RFX3: variants seen among roughly 807,000 people sequenced by gnomAD.
RFX3 encodes transcription factor RFX3.
A neutral mutation model predicts 98.6 loss-of-function variants in RFX3; 14 were observed. The observed-to-expected ratio is 0.14, with a 90% CI of 0.09 to 0.22. The LOEUF is 0.22. Among genes scored for constraint, RFX3 ranks in the 10% least tolerant of loss-of-function variants. The probability of loss-of-function intolerance (pLI) is 1.00; values close to 1 mark genes in which losing one functional copy is unlikely to be tolerated. For missense variants in RFX3, 639 were observed against 926.9 expected, an observed-to-expected ratio of 0.69 and a Z score of 4.03; for synonymous variants, 383 against 328.4, an observed-to-expected ratio of 1.17 and a Z score of -1.80.
At chr9:3,252,691 T>A (rs1486447696) in intron 14 of RFX3, among the ~76,000 whole-genome samples, 1 of 152,098 alleles carries the variant, frequency 6.6e-6, no homozygotes, top group East Asian at 1.9e-4. Flanking sequence ...TAGGCCATGA[T>A]AAGGCCTTTG....
chr9:3,289,770 T>C (rs1451538053), intron 6 of RFX3, among the ~76,000 whole-genome samples: 1 of 152,110 alleles, frequency 6.6e-6, no homozygotes, highest in Non-Finnish European at 1.5e-5. Context: ...GGAGATGGGA[T>C]CTAATAAAAG....
chr9:3,447,865 T>C (rs991974211), intron 1 of RFX3, among the ~76,000 whole-genome samples: 1 of 152,208 alleles, frequency 6.6e-6, no homozygotes, highest in African/African-American at 2.4e-5. Context: ...AGTGCTTTTT[T>C]AATTATGCTA....
chr9:3,408,133 A>G (rs952227079), intron 1 of RFX3, among the ~76,000 whole-genome samples: 1 of 152,198 alleles, frequency 6.6e-6, no homozygotes, highest in African/African-American at 2.4e-5. Flanking sequence ...CCTCTGGCAC[A>G]GGTGCCAGGG....
At chr9:3,463,813 A>ACT (rs1847944465) in intron 1 of RFX3, among the ~76,000 whole-genome samples, 1 of 152,086 alleles carries the variant, frequency 6.6e-6, no homozygotes, top group Non-Finnish European at 1.5e-5. Context: ...ATCTACAAAA[A>ACT]GTTAAAAAAA....
chr9:3,301,119 T>C (rs1017826069), intron 5 of RFX3, among the ~76,000 whole-genome samples: 2 of 151,902 alleles, frequency 1.3e-5, no homozygotes, highest in Non-Finnish European at 2.9e-5. Flanking sequence ...TATCATTGGA[T>C]TTCACATTAA....
intron 2 of RFX3, among the ~76,000 whole-genome samples, chr9:3,348,443 C>A (rs554856447): frequency 6.6e-6 from 1 of 151,382 alleles, no homozygotes; most frequent in African/African-American, 2.4e-5. Flanking sequence ...ATATTAGTAG[C>A]CATTGATGAT....
intron 1 of RFX3, among the ~76,000 whole-genome samples, chr9:3,425,541 G>A (rs1843936365): frequency 6.6e-6 from 1 of 152,148 alleles, no homozygotes; most frequent in South Asian, 2.1e-4. Flanking sequence ...AACAAAGTTA[G>A]CTGCTTCTTC....
intron 1 of RFX3, among the ~76,000 whole-genome samples, chr9:3,416,545 A>G (rs1228043026): frequency 2.6e-5 from 4 of 152,210 alleles, no homozygotes; most frequent in Non-Finnish European, 4.4e-5. Context: ...GAAATTCTCA[A>G]AGTTCCCATA....
intron 1 of RFX3, among the ~76,000 whole-genome samples, chr9:3,405,827 C>G (rs1841910528): frequency 6.6e-6 from 1 of 152,142 alleles, no homozygotes; most frequent in African/African-American, 2.4e-5. Context: ...ACTGCAAACC[C>G]TTACTTAACA....
intron 2 of RFX3, chr9:3,394,857 C>A (rs1375921180): frequency 1.0e-6 from 1 of 985,108 alleles, no homozygotes; most frequent in Non-Finnish European, 1.2e-6. Flanking sequence ...TTGTCAGTAT[C>A]TTTCCAAACA....
chr9:3,237,800 C>A (rs1819363521), intron 15 of RFX3, among the ~76,000 whole-genome samples: 3 of 152,252 alleles, frequency 2.0e-5, no homozygotes, highest in South Asian at 2.1e-4. Flanking sequence ...AATTTAAATA[C>A]AGGAGTGGAG....
chr9:3,330,774 C>T (rs887232327), intron 3 of RFX3, among the ~76,000 whole-genome samples: 3 of 152,150 alleles, frequency 2.0e-5, no homozygotes, highest in Non-Finnish European at 2.9e-5. Context: ...CTATCTCCAG[C>T]ATATAAATAA....
intron 1 of RFX3, among the ~76,000 whole-genome samples, chr9:3,512,589 A>T (rs1564194265): frequency 1.3e-5 from 2 of 151,960 alleles, no homozygotes; most frequent in Admixed American, 6.6e-5. Flanking sequence ...CAACACCTCA[A>T]TTTAATCTTT....
intron 16 of RFX3, among the ~76,000 whole-genome samples, chr9:3,225,532 CT>C (rs59863314): frequency 0.11 from 16,031 of 150,240 alleles, 2,792 homozygotes; most frequent in African/African-American, 0.37. Context: ...ACTTTGTTAA[CT>C]TTTTTAAAAA....
At chr9:3,342,702 T>A (rs1417590273) in intron 3 of RFX3, among the ~76,000 whole-genome samples, 2 of 152,102 alleles carry the variant, frequency 1.3e-5, no homozygotes, top group Admixed American at 6.6e-5. Flanking sequence ...ACCAAGAAAT[T>A]TCCATTGAAA....
At chr9:3,358,298 T>A (rs1378465520) in intron 2 of RFX3, among the ~76,000 whole-genome samples, 4 of 152,156 alleles carry the variant, frequency 2.6e-5, no homozygotes, top group Non-Finnish European at 5.9e-5. Flanking sequence ...AACAAGAGTC[T>A]TGTCTTTATG....
intron 1 of RFX3, among the ~76,000 whole-genome samples, chr9:3,504,822 ATATAAAATATG>A (rs1816616813): frequency 1.0e-5 from 1 of 95,302 alleles, no homozygotes; most frequent in Non-Finnish European, 1.8e-5. Flanking sequence ...TATATATTAT[ATATAAAATATG>A]TATAAAATAT....
intron 1 of RFX3, among the ~76,000 whole-genome samples, chr9:3,513,035 T>G (rs1564194611): frequency 6.6e-6 from 1 of 152,112 alleles, no homozygotes; most frequent in Non-Finnish European, 1.5e-5. Context: ...TTTCTCTCAT[T>G]TCTTTATGCT....
Position 3,345,370 on chromosome 9 carries a change from G to A in RFX3, c.215+1297C>T, listed in dbSNP as rs1300410664. On this transcript the variant is annotated intron_variant, in intron 3 of 16. Coordinates refer to ENST00000617270, the MANE Select transcript of RFX3 (RefSeq NM_001282116.2). ...ATGCCTAGAAGGTAGAAAATAAGGC[G>A]GAGGTAGGAATGCGGAGAATGCCAG... 3.3e-5 allele frequency among the ~76,000 whole-genome samples: 5 copies of A among 152,144 alleles called. No homozygotes were observed. In the East Asian group the frequency reaches 5.8e-4, roughly 18 times the overall value.
Sources: gnomAD v4.1 joint callset for allele counts (sites outside exome capture counted in the v4.1 genomes callset) on GRCh38, gnomAD v4.1.1 for gene constraint, MANE v1.5 for transcripts, NCBI Gene and HGNC (gene_info 2026-07-23, HGNC 2026-07-21) for gene names.